Variants in ARHGAP31 observed in about 807,000 individuals in gnomAD.
The protein encoded by ARHGAP31 is rho GTPase-activating protein 31.
ARHGAP31 carries 34 observed loss-of-function variants against 113.9 expected under a neutral mutation model. That is an observed-to-expected ratio of 0.30 (90% CI 0.23 to 0.40). ARHGAP31 has a LOEUF of 0.40. ARHGAP31 is among the 10% of genes least tolerant of loss of function. ARHGAP31 has a pLI of 1.00. For missense variants in ARHGAP31, 1,548 were observed against 1,767.1 expected, an observed-to-expected ratio of 0.88 and a Z score of 2.22; for synonymous variants, 650 against 684.8, an observed-to-expected ratio of 0.95 and a Z score of 0.79.
intron 1 of ARHGAP31, among the ~76,000 whole-genome samples, chr3:119,304,843 C>T (rs2079616555): frequency 6.6e-6 from 1 of 151,616 alleles, no homozygotes; most frequent in African/African-American, 2.4e-5. Flanking sequence ...TTCACTGACC[C>T]AAGATGGCGC....
intron 6 of ARHGAP31, among the ~76,000 whole-genome samples, chr3:119,385,909 GTTC>G (rs2080445010): frequency 2.0e-5 from 3 of 152,310 alleles, no homozygotes; most frequent in East Asian, 1.9e-4. Flanking sequence ...TTTGGGAAAT[GTTC>G]TTCTGGACAG....
chr3:119,299,348 T>C (rs1188229240), intron 1 of ARHGAP31, among the ~76,000 whole-genome samples: 2 of 152,242 alleles, frequency 1.3e-5, no homozygotes, highest in African/African-American at 2.4e-5. Flanking sequence ...TCAGCCTTTT[T>C]ATTCCTAAAA....
At chr3:119,397,219 C>T (rs1202244831) in intron 8 of ARHGAP31, among the ~76,000 whole-genome samples, 1 of 152,160 alleles carries the variant, frequency 6.6e-6, no homozygotes, top group African/African-American at 2.4e-5. Context: ...GACTGTCCAC[C>T]AAGCCACATC....
At chr3:119,336,933 C>T (rs780980749) in intron 1 of ARHGAP31, among the ~76,000 whole-genome samples, 4 of 152,168 alleles carry the variant, frequency 2.6e-5, no homozygotes, top group Non-Finnish European at 5.9e-5. Flanking sequence ...TTTCTGGCTT[C>T]TTACATTTAC....
intron 8 of ARHGAP31, among the ~76,000 whole-genome samples, chr3:119,398,439 C>G (rs1391082837): frequency 6.6e-6 from 1 of 152,214 alleles, no homozygotes; most frequent in Non-Finnish European, 1.5e-5. Flanking sequence ...TCTTTCCCCT[C>G]CTGACAAGCT....
At chr3:119,354,779 T>C (rs2080141884) in intron 1 of ARHGAP31, among the ~76,000 whole-genome samples, 2 of 151,118 alleles carry the variant, frequency 1.3e-5, no homozygotes, top group African/African-American at 2.4e-5. Context: ...CCACCTGCCA[T>C]TGTGTGTCAT....
chr3:119,381,097 C>A, intron 4 of ARHGAP31, 111 bp downstream of exon 4: 1 of 1,090,464 alleles, frequency 9.2e-7, no homozygotes, highest in Non-Finnish European at 1.4e-6. Flanking sequence ...CAAGTTTAGG[C>A]TTTCCCAAGG....
At chr3:119,384,679 C>T (rs2080433343) in intron 6 of ARHGAP31, among the ~76,000 whole-genome samples, 1 of 152,138 alleles carries the variant, frequency 6.6e-6, no homozygotes, top group African/African-American at 2.4e-5. Flanking sequence ...AAGGGCAGAT[C>T]CCTCATGACC....
At chr3:119,358,308 C>G (rs2080176549) in intron 1 of ARHGAP31, among the ~76,000 whole-genome samples, 2 of 152,200 alleles carry the variant, frequency 1.3e-5, no homozygotes, top group African/African-American at 2.4e-5. Flanking sequence ...AATGATACCA[C>G]TTCACAACTA....
chr3:119,387,725 G>T (rs2080465392), intron 6 of ARHGAP31, among the ~76,000 whole-genome samples: 1 of 152,138 alleles, frequency 6.6e-6, no homozygotes, highest in Non-Finnish European at 1.5e-5. Context: ...TATGAACTAG[G>T]TGCTGTTCTA....
In ARHGAP31 at chr3:119,308,484, G is replaced by A. The variant is rs2079650067; in HGVS notation, c.100+13480G>A. ...TGGCTTATGGCACCTTCCTCCATCT[G>A]TCTTCAAAGCCAACCATATTGCATG... is the stretch of plus-strand genomic sequence containing the variant. On this transcript the variant is annotated intron_variant, in intron 1 of 11. Transcript: ENST00000264245. Among the ~76,000 whole-genome samples, 3 of 152,114 alleles carry A rather than the reference G, an allele frequency of 2.0e-5. No homozygotes were observed. In the South Asian group the frequency reaches 6.2e-4, roughly 32 times the overall value.
chr3:119,378,982 C>T (rs1484223161), intron 3 of ARHGAP31, among the ~76,000 whole-genome samples: 1 of 152,240 alleles, frequency 6.6e-6, no homozygotes, highest in African/African-American at 2.4e-5. Context: ...TCCCACGTTT[C>T]TCCCCACTTC....
chr3:119,297,520 G>C (rs1323278403), intron 1 of ARHGAP31, among the ~76,000 whole-genome samples: 4 of 152,030 alleles, frequency 2.6e-5, no homozygotes, highest in Non-Finnish European at 5.9e-5. Context: ...TGAGAGGAAA[G>C]ATAGGTTCAG....
At chr3:119,317,520 T>C (rs1410267254) in intron 1 of ARHGAP31, among the ~76,000 whole-genome samples, 2 of 152,184 alleles carry the variant, frequency 1.3e-5, no homozygotes, top group African/African-American at 4.8e-5. Context: ...TAAGGCAGAA[T>C]TGAAGGGCTG....
intron 3 of ARHGAP31, among the ~76,000 whole-genome samples, chr3:119,373,971 A>G (rs2080326686): frequency 6.6e-6 from 1 of 152,240 alleles, no homozygotes; most frequent in South Asian, 2.1e-4. Flanking sequence ...TATATACAAT[A>G]TCAACATTTT....
chr3:119,418,625 C>T lies in ARHGAP31; in HGVS notation c.*2361C>T, dbSNP rs1477234399. On this transcript the variant is annotated 3_prime_UTR_variant, in exon 12 of 12. Transcript: ENST00000264245. ...ATTTGGGGATAGACTGAGAAGCCAC[C>T]ATTTACATATTAACAAGTGACTTCA... 2 of 152,118 alleles carry T rather than the reference C, an allele frequency of 1.3e-5. No individual in the cohort carries two copies. Among genetic ancestry groups the T allele is most frequent in the Admixed American group, 6.5e-5 (1 of 15,278 alleles). The allele number at this position is 152,118 out of a possible 1,614,324, so 9.4% of individuals were successfully genotyped here.
intron 1 of ARHGAP31, among the ~76,000 whole-genome samples, chr3:119,342,841 C>G (rs2080021097): frequency 6.6e-6 from 1 of 151,778 alleles, no homozygotes; most frequent in African/African-American, 2.4e-5. Flanking sequence ...CCCCACTACT[C>G]GGGAGGCTGA....
intron 11 of ARHGAP31, among the ~76,000 whole-genome samples, chr3:119,413,591 C>T (rs2080737747): frequency 6.6e-6 from 1 of 152,136 alleles, no homozygotes. Flanking sequence ...TCTATTTGAA[C>T]CTACACCTCT....
At chr3:119,303,495 G>A (rs376696202) in intron 1 of ARHGAP31, among the ~76,000 whole-genome samples, 5 of 152,242 alleles carry the variant, frequency 3.3e-5, no homozygotes, top group South Asian at 4.1e-4. Flanking sequence ...CTTTGTTCTC[G>A]TTTAAGCTTG....
Sources: gnomAD v4.1 joint callset for allele counts (sites outside exome capture counted in the v4.1 genomes callset) on GRCh38, gnomAD v4.1.1 for gene constraint, MANE v1.5 for transcripts, NCBI Gene and HGNC (gene_info 2026-07-23, HGNC 2026-07-21) for gene names.